ATP6V1B1: variants seen among roughly 807,000 people sequenced by gnomAD.
The protein encoded by ATP6V1B1 is V-type proton ATPase subunit B, kidney isoform.
ATP6V1B1 carries 41 observed loss-of-function variants against 62.1 expected under a neutral mutation model. That is an observed-to-expected ratio of 0.66 (90% CI 0.51 to 0.86). The LOEUF (loss-of-function observed/expected upper bound fraction) is 0.86, where lower values mean the gene tolerates loss of function less well. Ranked by LOEUF, ATP6V1B1 falls within the 40% of genes least tolerant of loss-of-function variation. The pLI, the probability that ATP6V1B1 is intolerant of heterozygous loss-of-function variation, is 0.00. For synonymous variants in ATP6V1B1, 253 were observed against 273.4 expected (o/e 0.93, Z 0.74); for missense variants, 651 against 697.5 (o/e 0.93, Z 0.75).
At chr2:70,943,360 G>T in intron 1 of ATP6V1B1, 1 of 570,066 alleles carries the variant, frequency 1.8e-6, no homozygotes, top group Non-Finnish European at 3.2e-6. Context: ...AAGCCAGAGG[G>T]GAAGCAGCCT....
intron 1 of ATP6V1B1, among the ~76,000 whole-genome samples, chr2:70,936,892 G>A (rs1679866530): frequency 6.6e-6 from 1 of 152,086 alleles, no homozygotes; most frequent in Non-Finnish European, 1.5e-5. Flanking sequence ...TCAGAGGGGA[G>A]GCCCTACTTG....
rs544337438 is a variant in ATP6V1B1 at position 70,965,048 on chromosome 2, C to T, written c.1469C>T (p.Pro490Leu). The T allele has an allele frequency of 7.6e-5, 122 of 1,613,532 alleles. No homozygotes were observed. The South Asian group carries it at 1.3e-3, about 17-fold the overall frequency. The part of the protein sequence containing the change: ...IFPKEMLKRI[P>L]QAVIDEFYSR... ...CCCAAGGAGATGCTGAAGCGCATTC[C>T]GCAGGCCGTGATCGACGAGTTCTAT... Residue 490 changes from proline (P) to leucine (L), a missense_variant, in exon 14 of 14, where the codon CCG (proline) becomes CTG (leucine). Coordinates refer to ENST00000234396, the MANE Select transcript of ATP6V1B1 (RefSeq NM_001692.4).
chr2:70,940,806 C>T, intron 1 of ATP6V1B1: 1 of 985,190 alleles, frequency 1.0e-6, no homozygotes, highest in Non-Finnish European at 1.2e-6. Context: ...CACAATGGTT[C>T]TGATGTGGGA....
intron 8 of ATP6V1B1, 130 bp from the exon 9 acceptor site, chr2:70,962,647 C>A: frequency 6.9e-7 from 1 of 1,457,956 alleles, no homozygotes; most frequent in Non-Finnish European, 9.4e-7. Flanking sequence ...GGGGCAAGGG[C>A]TCATCTTATC....
chr2:70,958,377 C>A lies in ATP6V1B1; in HGVS notation c.318C>A (p.Cys106Ter). 1 of 1,613,984 alleles carries A rather than the reference C, an allele frequency of 6.2e-7. No homozygotes were observed. Among genetic ancestry groups the A allele is most frequent in the Non-Finnish European group, 8.5e-7 (1 of 1,179,982 alleles). The change falls in exon 4 of 14, where the codon TGC becomes TGA. Residue 106 changes from cysteine to a stop codon, truncating the protein, a stop_gained. Coordinates refer to ENST00000234396, the MANE Select transcript of ATP6V1B1 (RefSeq NM_001692.4). LOFTEE classifies it high-confidence loss of function. Reference sequence around the variant, plus strand: ...GGATCGATGCCAGGAAGACCACTTGCGAATTTACAGGGGACATCCTACGAA... The same window carrying A: ...GGATCGATGCCAGGAAGACCACTTGAGAATTTACAGGGGACATCCTACGAA... The part of the protein sequence containing the change: ...TSGIDARKTT[C>*]EFTGDILRTP...
In ATP6V1B1 at chr2:70,958,368, G is replaced by A; in HGVS notation, c.309G>A (p.Lys103=). 1 of 1,613,164 alleles carries A rather than the reference G, an allele frequency of 6.2e-7. No homozygotes were observed. Among genetic ancestry groups the A allele is most frequent in the South Asian group, 1.1e-5 (1 of 91,066 alleles). The change falls in exon 4 of 14, where the codon AAG becomes AAA. Residue 103 remains lysine, a synonymous_variant. Transcript: ENST00000234396. ...FEGTSGIDAR[K]TTCEFTGDIL... is the part of the protein sequence containing the mutation. Reference sequence around the variant, plus strand: ...GGACATCAGGGATCGATGCCAGGAAGACCACTTGCGAATTTACAGGGGACA... The same window carrying A: ...GGACATCAGGGATCGATGCCAGGAAAACCACTTGCGAATTTACAGGGGACA...
At position 70,940,374 on chromosome 2, in the gene ATP6V1B1, A is replaced by G. The variant is rs188514941; in HGVS notation, c.119-3284A>G. On this transcript the variant is annotated intron_variant, in intron 1 of 13. Coordinates refer to ENST00000234396, the MANE Select transcript of ATP6V1B1 (RefSeq NM_001692.4). ...TCCCTATCCAGCCCACCCACCCTGC[A>G]TCTTTACATCACTGCTTTCTTCCCC... 5.3e-6 allele frequency: 5 copies of G among 940,886 alleles called. No homozygotes were observed. In the African/African-American group the frequency reaches 7.7e-5, roughly 14 times the overall value. 58.3% of individuals were successfully genotyped at this position (940,886 alleles called of 1,614,324 possible).
intron 1 of ATP6V1B1, chr2:70,941,660 C>A: frequency 1.1e-6 from 1 of 927,102 alleles, no homozygotes; most frequent in Non-Finnish European, 1.3e-6. Context: ...TTTCATTTGC[C>A]TAGCTTAGTA....
At chr2:70,964,114 A>AGTTTTTTTTT in intron 11 of ATP6V1B1, 1 of 123,588 alleles carries the variant, frequency 8.1e-6, no homozygotes, top group Non-Finnish European at 1.3e-5. Flanking sequence ...CTTGGCAGGT[A>AGTTTTTTTTT]TTTTTTTTTT....
intron 1 of ATP6V1B1, chr2:70,938,602 G>T (rs1679913998): frequency 1.0e-6 from 1 of 985,396 alleles, no homozygotes; most frequent in Non-Finnish European, 1.2e-6. Flanking sequence ...GAGAGGATTG[G>T]CTAGAAAGGA....
chr2:70,945,701 G>GATAGATAT (rs1553417204), intron 2 of ATP6V1B1, among the ~76,000 whole-genome samples: 2 of 83,018 alleles, frequency 2.4e-5, no homozygotes, highest in Non-Finnish European at 4.5e-5. Flanking sequence ...TATTTGAAGA[G>GATAGATAT]ATATATATAT....
intron 2 of ATP6V1B1, among the ~76,000 whole-genome samples, chr2:70,949,218 G>A (rs920089731): frequency 5.3e-5 from 8 of 152,000 alleles, no homozygotes; most frequent in Non-Finnish European, 8.8e-5. Flanking sequence ...GAGAGCCAAG[G>A]GACTGACAGT....
chr2:70,957,292 G>C (rs1680463109), intron 2 of ATP6V1B1, among the ~76,000 whole-genome samples: 1 of 151,042 alleles, frequency 6.6e-6, no homozygotes. Flanking sequence ...TAGAAACGGG[G>C]TTTCACCATG....
At chr2:70,936,277 C>T (rs1479343543) in intron 1 of ATP6V1B1, among the ~76,000 whole-genome samples, 1 of 152,162 alleles carries the variant, frequency 6.6e-6, no homozygotes, top group Non-Finnish European at 1.5e-5. Flanking sequence ...TGCAGGTCCC[C>T]AGCCCAGCCC....
At chr2:70,961,791 A>G in intron 8 of ATP6V1B1, 98 bp downstream of exon 8, 2 of 1,174,134 alleles carry the variant, frequency 1.7e-6, no homozygotes, top group South Asian at 2.5e-5. Context: ...CCAGAACTAC[A>G]GCCATACGCC....
intron 11 of ATP6V1B1, 55 bp from the exon 12 acceptor site, chr2:70,964,383 G>T (rs1680665457): frequency 6.3e-7 from 1 of 1,577,572 alleles, no homozygotes; most frequent in Non-Finnish European, 8.7e-7. Flanking sequence ...TTTGGGGACA[G>T]GGGGAGCAAA....
chr2:70,965,252 G>C lies in ATP6V1B1; in HGVS notation c.*131G>C, dbSNP rs1572925127. On this transcript the variant is annotated 3_prime_UTR_variant, in exon 14 of 14. Coordinates refer to ENST00000234396, the MANE Select transcript of ATP6V1B1 (RefSeq NM_001692.4). ...CTCCGCTGGCTCCGAGGTGGTGGGG[G>C]CGCCGCACGCTCCATCCCTTTCCCT... 6 of 1,289,556 alleles carry C rather than the reference G, an allele frequency of 4.7e-6. No homozygotes were observed. In the East Asian group the frequency reaches 1.2e-4, roughly 27 times the overall value. 79.9% of individuals were successfully genotyped at this position (1,289,556 alleles called of 1,614,324 possible).
chr2:70,965,068 T>C lies in ATP6V1B1; in HGVS notation c.1489T>C (p.Phe497Leu), dbSNP rs1680691703. 6.2e-7 allele frequency: 1 copy of C among 1,613,172 alleles called. No individual in the cohort carries two copies. The highest frequency in any genetic ancestry group is 1.1e-5 in the South Asian group (1 of 91,076). ...KRIPQAVIDEFYSREGALQDL... is the reference protein window; with the variant it reads ...KRIPQAVIDELYSREGALQDL... ...CATTCCGCAGGCCGTGATCGACGAG[T>C]TCTATTCCCGCGAGGGGGCGCTGCA... is the stretch of plus-strand genomic sequence containing the variant. The change falls in exon 14 of 14, where the codon TTC becomes CTC. Residue 497 changes from phenylalanine to leucine, a missense_variant. Physicochemically the swap from Phe to Leu is conservative, Grantham distance 22. Transcript: ENST00000234396.
chr2:70,939,717 G>A (rs1431578149), intron 1 of ATP6V1B1: 1 of 152,258 alleles, frequency 6.6e-6, no homozygotes, highest in South Asian at 2.1e-4. Context: ...GACATCTGAC[G>A]GGAGAGACAT....
Sources: allele counts gnomAD v4.1 joint callset (sites outside exome capture counted in the v4.1 genomes callset), GRCh38; gene constraint gnomAD v4.1.1; transcripts MANE v1.5; gene names NCBI Gene and HGNC (gene_info 2026-07-23, HGNC 2026-07-21).